Variants in AGO2 observed in about 807,000 individuals in gnomAD.
The protein encoded by AGO2 is protein argonaute-2.
In AGO2, 5 loss-of-function variants were observed where a neutral mutation model predicts 102.3. The ratio of observed to expected loss-of-function variants is 0.05; its 90% CI spans 0.03 to 0.10. The LOEUF (loss-of-function observed/expected upper bound fraction) is 0.10. Ranked by LOEUF, AGO2 falls within the 10% of genes least tolerant of loss-of-function variation. The pLI, the probability that AGO2 is intolerant of heterozygous loss-of-function variation, is 1.00. For missense variants in AGO2, 541 were observed against 1,183.7 expected (o/e 0.46, Z 7.97); for synonymous variants, 449 against 473.1 (o/e 0.95, Z 0.66).
At chr8:140,574,027 G>A (rs1276957952) in intron 2 of AGO2, among the ~76,000 whole-genome samples, 1 of 152,190 alleles carries the variant, frequency 6.6e-6, no homozygotes, top group Non-Finnish European at 1.5e-5. Context: ...AGAGACTGGG[G>A]TTTTGGTGTT....
intron 8 of AGO2, among the ~76,000 whole-genome samples, chr8:140,556,858 C>A (rs1425260399): frequency 6.6e-6 from 1 of 152,200 alleles, no homozygotes; most frequent in Non-Finnish European, 1.5e-5. Flanking sequence ...ACGTTACACA[C>A]AACCTCAGGC....
intron 1 of AGO2, among the ~76,000 whole-genome samples, chr8:140,597,332 C>T (rs1014349396): frequency 1.3e-5 from 2 of 152,256 alleles, no homozygotes; most frequent in African/African-American, 2.4e-5. Context: ...CAACGCAGCG[C>T]AGCACGGATG....
intron 1 of AGO2, among the ~76,000 whole-genome samples, chr8:140,631,132 C>A (rs1438441900): frequency 1.3e-5 from 2 of 152,164 alleles, no homozygotes; most frequent in South Asian, 2.1e-4. Context: ...AAACAGCCCC[C>A]CTCAACAAAA....
intron 3 of AGO2, among the ~76,000 whole-genome samples, chr8:140,564,539 G>T (rs918017609): frequency 3.9e-5 from 6 of 152,216 alleles, no homozygotes; most frequent in African/African-American, 1.4e-4. Flanking sequence ...TCAGCATGAA[G>T]ACAGAGGGGA....
At chr8:140,558,393 A>T in intron 7 of AGO2, 92 bp downstream of exon 7, 1 of 1,374,848 alleles carries the variant, frequency 7.3e-7, no homozygotes, top group Non-Finnish European at 1.0e-6. Flanking sequence ...TCCTTTCTGG[A>T]GAATGGGCAC....
intron 1 of AGO2, among the ~76,000 whole-genome samples, chr8:140,607,681 A>G (rs1370070657): frequency 6.6e-6 from 1 of 151,968 alleles, no homozygotes. Flanking sequence ...AAGAAGCCAG[A>G]CACAAAAGTC....
At chr8:140,532,821 C>A in intron 17 of AGO2, 1 of 520,232 alleles carries the variant, frequency 1.9e-6, no homozygotes, top group Non-Finnish European at 3.5e-6. Context: ...ATAGTGAAAC[C>A]CCATCTCTAC....
chr8:140,609,718 C>T (rs1300763375), intron 1 of AGO2, among the ~76,000 whole-genome samples: 3 of 152,194 alleles, frequency 2.0e-5, no homozygotes, highest in African/African-American at 2.4e-5. Flanking sequence ...TAGAAGAAGG[C>T]CCAGCACAGA....
In AGO2 at chr8:140,539,582, G is replaced by A. The variant is rs546716765; in HGVS notation, c.2035-128C>T. On this transcript the variant is annotated intron_variant, in intron 15 of 18. Transcript: ENST00000220592. The surrounding 1 kb of genome is among the most constrained non-coding windows in gnomAD (Gnocchi z 4.7). ...TCTGAGAGACAATGAGTGTGTTCAC[G>A]GGGAGGTGAAAACACGGGGGCAGAA... 8.0e-5 allele frequency: 93 copies of A among 1,165,128 alleles called. No individual in the cohort carries two copies. The South Asian group carries it at 9.6e-4, about 12-fold the overall frequency. The allele number at this position is 1,165,128 out of a possible 1,614,324, so 72.2% of individuals were successfully genotyped here.
intron 1 of AGO2, among the ~76,000 whole-genome samples, chr8:140,612,294 G>A (rs139531569): frequency 6.6e-6 from 1 of 150,676 alleles, no homozygotes; most frequent in African/African-American, 2.4e-5. Context: ...TCGTGAATGG[G>A]ATGTTTTGAT....
intron 4 of AGO2, among the ~76,000 whole-genome samples, chr8:140,562,122 G>A (rs1167939513): frequency 2.0e-5 from 3 of 152,218 alleles, no homozygotes; most frequent in Admixed American, 6.5e-5. Context: ...TGGGAACACA[G>A]CATTACTCTC....
intron 12 of AGO2, 84 bp downstream of exon 12, chr8:140,549,030 G>C (rs1588446556): frequency 6.8e-7 from 1 of 1,481,332 alleles, no homozygotes; most frequent in East Asian, 2.3e-5. Flanking sequence ...CAGTGCAGCA[G>C]AAACACAGAG....
intron 1 of AGO2, among the ~76,000 whole-genome samples, chr8:140,594,106 C>T (rs980785064): frequency 6.6e-5 from 10 of 152,170 alleles, no homozygotes; most frequent in Non-Finnish European, 1.2e-4. Context: ...CCTACTCCTG[C>T]TCTCAGGGCG....
chr8:140,615,659 C>G (rs949708410), intron 1 of AGO2, among the ~76,000 whole-genome samples: 1 of 152,266 alleles, frequency 6.6e-6, no homozygotes, highest in African/African-American at 2.4e-5. Flanking sequence ...AGGGGGCAGC[C>G]ACAGTTAAAT....
At chr8:140,535,342 TG>T in intron 17 of AGO2, 125 bp downstream of exon 17, 3 of 803,586 alleles carry the variant, frequency 3.7e-6, no homozygotes, top group Non-Finnish European at 5.8e-6. Context: ...CCCGGTTCCC[TG>T]GTACTGCCTG....
intron 2 of AGO2, among the ~76,000 whole-genome samples, chr8:140,577,529 T>C (rs1046790890): frequency 2.0e-5 from 3 of 152,228 alleles, no homozygotes; most frequent in African/African-American, 4.8e-5. Context: ...TTTTATTTGA[T>C]AGGATTTAAC....
intron 10 of AGO2, among the ~76,000 whole-genome samples, chr8:140,552,736 GCGCGCACACACACA>G (rs771218248): frequency 6.8e-5 from 9 of 132,936 alleles, no homozygotes; most frequent in Non-Finnish European, 1.3e-4. Flanking sequence ...GCACGCGCGC[GCGCGCACACACACA>G]CACACACACA....
intron 1 of AGO2, among the ~76,000 whole-genome samples, chr8:140,619,063 G>C (rs371258597): frequency 6.6e-6 from 1 of 152,044 alleles, no homozygotes; most frequent in Non-Finnish European, 1.5e-5. Context: ...GAGAGCAGCT[G>C]CTGGCTCCTT....
chr8:140,569,037 T>C (rs1024020296), intron 3 of AGO2, among the ~76,000 whole-genome samples: 1 of 152,038 alleles, frequency 6.6e-6, no homozygotes, highest in Non-Finnish European at 1.5e-5. Flanking sequence ...GCCCGCCTTC[T>C]CTCCCCAAGC....
Sources: allele counts gnomAD v4.1 joint callset (sites outside exome capture counted in the v4.1 genomes callset), GRCh38; gene constraint gnomAD v4.1.1; non-coding constraint Gnocchi (gnomAD v3.1); transcripts MANE v1.5; gene names NCBI Gene and HGNC (gene_info 2026-07-23, HGNC 2026-07-21).